LRP1-AS: variants seen among roughly 807,000 people sequenced by gnomAD.
LRP1-AS encodes the protein LRP1 antisense RNA.
intron 1 of LRP1-AS, chr12:57,145,123 A>G (rs2035376183): frequency 6.2e-7 from 1 of 1,613,786 alleles, no homozygotes; most frequent in Non-Finnish European, 8.5e-7. Flanking sequence ...GCCTCTGGCC[A>G]CAGTGCTAAC....
Position 57,144,824 on chromosome 12 carries a change from G to A in LRP1-AS, n.441C>T, listed in dbSNP as rs944819568. ...AAGACTGGACTTGCTGGGTGTTAAG[G>A]TTTGCACATTTCATGCTGTAATAGA... On this transcript the variant is annotated non_coding_transcript_exon_variant, in exon 2 of 2. Coordinates refer to ENST00000555461, the Ensembl canonical transcript of LRP1-AS. The A allele has an allele frequency of 1.2e-5, 9 of 779,788 alleles. No homozygotes were observed. In the African/African-American group the frequency reaches 1.5e-4, roughly 13 times the overall value. 48.3% of individuals were successfully genotyped at this position (779,788 alleles called of 1,614,324 possible).
intron 1 of LRP1-AS, among the ~76,000 whole-genome samples, chr12:57,145,999 C>T (rs1189236471): frequency 1.3e-5 from 2 of 152,160 alleles, no homozygotes; most frequent in Admixed American, 1.3e-4. Context: ...GGTTATTTCT[C>T]TGTGGCTTTG....
At chr12:57,145,598 G>A in intron 1 of LRP1-AS, 1 of 1,395,390 alleles carries the variant, frequency 7.2e-7, no homozygotes. Flanking sequence ...GTCCTGTCTG[G>A]GGCAGGAGAA....
chr12:57,145,314 T>C, intron 1 of LRP1-AS: 1 of 1,614,110 alleles, frequency 6.2e-7, no homozygotes, highest in Non-Finnish European at 8.5e-7. Flanking sequence ...GTGTCTACCA[T>C]CACACCTACG....
chr12:57,145,553 C>G (rs1164813039), intron 1 of LRP1-AS: 2 of 1,573,846 alleles, frequency 1.3e-6, no homozygotes, highest in Admixed American at 1.7e-5. Flanking sequence ...AAGGTGGACC[C>G]TATCTTGAAC....
At chr12:57,145,284 C>A in intron 1 of LRP1-AS, 2 of 1,614,178 alleles carry the variant, frequency 1.2e-6, no homozygotes, top group Non-Finnish European at 1.7e-6. Context: ...ATCTTGGCCA[C>A]GTACCTGAGT....
chr12:57,147,495 C>A (rs1160898567), exon 1 of LRP1-AS: 1 of 152,288 alleles, frequency 6.6e-6, no homozygotes, highest in Non-Finnish European at 1.5e-5. Context: ...AGAAGAAAGG[C>A]TGCAGCTTTC....
intron 1 of LRP1-AS, chr12:57,145,154 C>T (rs1338186291): frequency 1.2e-6 from 2 of 1,613,280 alleles, no homozygotes; most frequent in Middle Eastern, 1.6e-4. Flanking sequence ...CAATGCTGTT[C>T]CCTGGTGGGT....
exon 2 of LRP1-AS, chr12:57,144,998 A>G: frequency 6.2e-7 from 1 of 1,614,102 alleles, no homozygotes; most frequent in Non-Finnish European, 8.5e-7. Context: ...AGTGTACGGC[A>G]CCTGCAGCCA....
intron 1 of LRP1-AS, chr12:57,145,170 C>A: frequency 1.9e-6 from 3 of 1,613,220 alleles, no homozygotes; most frequent in Non-Finnish European, 2.5e-6. Context: ...TGGGTGGTGG[C>A]CTGAGAGGTG....
intron 1 of LRP1-AS, chr12:57,147,330 G>C (rs1292532408): frequency 6.6e-6 from 1 of 152,216 alleles, no homozygotes; most frequent in Non-Finnish European, 1.5e-5. Context: ...AACTGAGGAC[G>C]TCAGTGTCTC....
At chr12:57,147,062 G>T (rs1221165093) in intron 1 of LRP1-AS, among the ~76,000 whole-genome samples, 2 of 151,410 alleles carry the variant, frequency 1.3e-5, no homozygotes, top group Non-Finnish European at 2.9e-5. Flanking sequence ...GGAGAAGCTG[G>T]TACCCCTCCC....
At chr12:57,145,286 T>C in intron 1 of LRP1-AS, 3 of 1,614,182 alleles carry the variant, frequency 1.9e-6, no homozygotes, top group Non-Finnish European at 2.5e-6. Context: ...CTTGGCCACG[T>C]ACCTGAGTGG....
At chr12:57,145,626 A>G in intron 1 of LRP1-AS, 5 of 1,172,022 alleles carry the variant, frequency 4.3e-6, no homozygotes, top group Non-Finnish European at 4.8e-6. Context: ...GCTGGATACA[A>G]TGGTGTGTGT....
At chr12:57,144,807 A>G (rs986681193) in exon 2 of LRP1-AS, 2 of 674,620 alleles carry the variant, frequency 3.0e-6, no homozygotes, top group African/African-American at 3.5e-5. Context: ...CCAAGACTGG[A>G]CTTGCTGGGT....
chr12:57,145,667 C>T (rs1379932263), intron 1 of LRP1-AS, among the ~76,000 whole-genome samples: 4 of 152,152 alleles, frequency 2.6e-5, no homozygotes, highest in African/African-American at 9.7e-5. Context: ...CCGGCACGCT[C>T]CCTCCCAGCT....
At chr12:57,144,723 C>G (rs764776572) in exon 2 of LRP1-AS, 3 of 527,808 alleles carry the variant, frequency 5.7e-6, no homozygotes, top group Non-Finnish European at 1.0e-5. Context: ...GGCACCTGAC[C>G]CATAGTAGGG....
At chr12:57,145,183 C>T in intron 1 of LRP1-AS, 1 of 1,613,628 alleles carries the variant, frequency 6.2e-7, no homozygotes, top group African/African-American at 1.3e-5. Flanking sequence ...GAGAGGTGGT[C>T]CTAGAGCCCT....
exon 2 of LRP1-AS, chr12:57,144,958 C>T (rs1297681205): frequency 1.2e-6 from 2 of 1,612,698 alleles, no homozygotes; most frequent in South Asian, 1.1e-5. Context: ...ACATTCTTGC[C>T]CTTTCCTCGG....
Sources: gnomAD v4.1 joint callset for allele counts (sites outside exome capture counted in the v4.1 genomes callset) on GRCh38, gnomAD v4.1.1 for gene constraint, MANE v1.5 for transcripts, NCBI Gene and HGNC (gene_info 2026-07-23, HGNC 2026-07-21) for gene names.